Variants in CFAP69 observed in about 807,000 individuals in gnomAD.
CFAP69 encodes the protein cilia and flagella associated protein 69.
CFAP69 carries 92 observed loss-of-function variants against 123.0 expected under a neutral mutation model. The ratio of observed to expected loss-of-function variants is 0.75; its 90% CI spans 0.63 to 0.89. The LOEUF (loss-of-function observed/expected upper bound fraction) is 0.89. Among genes scored for constraint, CFAP69 ranks in the 40% least tolerant of loss-of-function variants. CFAP69 has a pLI of 0.00. For synonymous variants in CFAP69, 380 were observed against 364.3 expected (o/e 1.04, Z -0.49); for missense variants, 1,067 against 1,096.9 (o/e 0.97, Z 0.39).
chr7:90,258,641 T>C (rs1383539689), intron 3 of CFAP69, among the ~76,000 whole-genome samples: 1 of 152,220 alleles, frequency 6.6e-6, no homozygotes, highest in African/African-American at 2.4e-5. Flanking sequence ...CCCTTTGCTA[T>C]GTAACATAGT....
chr7:90,245,399 C>T lies in CFAP69; in HGVS notation c.-26C>T, dbSNP rs527341432. 6.5e-7 allele frequency: 1 copy of T among 1,526,856 alleles called. No homozygotes were observed. The highest frequency in any genetic ancestry group is 2.1e-5 in the Admixed American group (1 of 47,020). The allele number at this position is 1,526,856 out of a possible 1,614,324, so 94.6% of individuals were successfully genotyped here. ...GCACTGTAGGACAGGAAGATCCCCCCACTCTCCACCCCGCCGCCACCGGCC... is the reference window on the plus strand; with the variant it reads ...GCACTGTAGGACAGGAAGATCCCCCTACTCTCCACCCCGCCGCCACCGGCC... On this transcript the variant is annotated 5_prime_UTR_variant, in exon 1 of 23. Transcript: ENST00000389297.
intron 4 of CFAP69, among the ~76,000 whole-genome samples, chr7:90,264,124 T>A (rs1395325516): frequency 0.12 from 4,839 of 39,366 alleles, 912 homozygotes; most frequent in Non-Finnish European, 0.16. Flanking sequence ...TATATATATA[T>A]ATATATATAT....
chr7:90,275,328 A>C (rs1325630388), intron 9 of CFAP69, among the ~76,000 whole-genome samples: 1 of 152,070 alleles, frequency 6.6e-6, no homozygotes, highest in Non-Finnish European at 1.5e-5. Context: ...CCCAAATCTT[A>C]ATTCAGTTCT....
At chr7:90,268,592 C>G (rs1799496988) in intron 6 of CFAP69, among the ~76,000 whole-genome samples, 1 of 151,836 alleles carries the variant, frequency 6.6e-6, no homozygotes, top group Admixed American at 6.6e-5. Context: ...TATTCTGATG[C>G]TAAATATGAA....
chr7:90,299,354 T>A (rs1451812696), intron 16 of CFAP69, among the ~76,000 whole-genome samples: 1 of 152,170 alleles, frequency 6.6e-6, no homozygotes. Context: ...AATACTCTTT[T>A]ATGGATGATG....
intron 1 of CFAP69, 100 bp downstream of exon 1, chr7:90,245,644 G>A (rs1796239138): frequency 7.2e-7 from 1 of 1,380,810 alleles, no homozygotes; most frequent in African/African-American, 1.5e-5. Context: ...ACTGGGGACA[G>A]GAGTGAAGAT....
chr7:90,247,846 AAAAAC>A (rs945489120), intron 1 of CFAP69, among the ~76,000 whole-genome samples: 1 of 152,224 alleles, frequency 6.6e-6, no homozygotes, highest in Non-Finnish European at 1.5e-5. Flanking sequence ...TCCGTCTCAA[AAAAAC>A]AAAACAAAAC....
In CFAP69 at chr7:90,268,310, C is replaced by A. The variant is rs1799445391; in HGVS notation, c.458C>A (p.Ser153Tyr). ...LLGDLMKIPSSELRIQICKCI... is the reference protein window; with the variant it reads ...LLGDLMKIPSYELRIQICKCI... ...GGTGACTTAATGAAAATACCAAGTTCTGAATTGAGGATACAAATTTGTAAG... is the reference window on the plus strand; with the variant it reads ...GGTGACTTAATGAAAATACCAAGTTATGAATTGAGGATACAAATTTGTAAG... The change falls in exon 6 of 23, where the codon TCT becomes TAT. Residue 153 changes from serine to tyrosine, a missense_variant. Physicochemically the swap from Ser to Tyr is moderately radical, Grantham distance 144 (BLOSUM62 -2). Transcript: ENST00000389297. 1.2e-6 allele frequency: 2 copies of A among 1,608,588 alleles called. No homozygotes were observed. The highest frequency in any genetic ancestry group is 1.7e-6 in the Non-Finnish European group (2 of 1,178,104).
intron 15 of CFAP69, 73 bp from the exon 16 acceptor site, chr7:90,297,676 A>G: frequency 1.1e-6 from 1 of 897,484 alleles, no homozygotes; most frequent in South Asian, 1.6e-5. Flanking sequence ...AAATGCTTTG[A>G]TAAAGATAAA....
In CFAP69 at chr7:90,274,066, G is replaced by A; in HGVS notation, c.940G>A (p.Val314Met). The A allele has an allele frequency of 6.2e-7, 1 of 1,605,660 alleles. No homozygotes were observed. The highest frequency in any genetic ancestry group is 8.5e-7 in the Non-Finnish European group (1 of 1,177,054). Residue 314 changes from valine to methionine, a missense_variant, in exon 9 of 23, where the codon GTG (valine) becomes ATG (methionine). Physicochemically the swap from Val to Met is conservative, Grantham distance 21 (BLOSUM62 1). Coordinates refer to ENST00000389297, the MANE Select transcript of CFAP69 (RefSeq NM_001039706.3). Reference sequence around the variant, plus strand: ...CCGTCAGCTTAGAAATGACATATTAGTGATCACTACAATTATAGCTCAAAA... The same window carrying A: ...CCGTCAGCTTAGAAATGACATATTAATGATCACTACAATTATAGCTCAAAA... ...YDRQLRNDIL[V>M]ITTIIAQNPE...
rs11563557 is a variant in CFAP69 at position 90,246,776 on chromosome 7, A to G, written c.120+1232A>G. Among the ~76,000 whole-genome samples the G allele has an allele frequency of 2.7e-3, 413 of 152,270 alleles. 2 individuals are homozygous for G. The highest frequency in any genetic ancestry group is 9.5e-3 in the African/African-American group (396 of 41,554). Reference sequence around the variant, plus strand: ...TCTCAGTCTTCCTTTACTTGCTCCAAGAAAAATTGGGCAACGTTATACAAG... The same window carrying G: ...TCTCAGTCTTCCTTTACTTGCTCCAGGAAAAATTGGGCAACGTTATACAAG... On this transcript the variant is annotated intron_variant, in intron 1 of 22. Transcript: ENST00000389297.
Position 90,304,118 on chromosome 7 carries a change from T to A in CFAP69, c.2188+12T>A. 1.3e-6 allele frequency: 2 copies of A among 1,543,770 alleles called. No homozygotes were observed. Among genetic ancestry groups the A allele is most frequent in the Middle Eastern group, 1.7e-4 (1 of 5,882 alleles). ...ATTGGGCAAACTAGGTAAGAAGTTC[T>A]CTTCAAATTTGCAAGAGTCTGTTTT... On this transcript the variant is annotated intron_variant, in intron 18 of 22. Transcript: ENST00000389297.
Position 90,252,117 on chromosome 7 carries a change from T to TGTGTGC in CFAP69, c.121-3301_121-3300insCGTGTG, listed in dbSNP as rs1491337766. ...CCAGAAAAGAAAAACCCACTGTGTGTGTGTGTGTGTGTGTGTGTGTGTGTG... is the reference window on the plus strand; with the variant it reads ...CCAGAAAAGAAAAACCCACTGTGTGTGTGTGCGTGTGTGTGTGTGTGTGTGTGTGTG... On this transcript the variant is annotated intron_variant, in intron 1 of 22. Coordinates refer to ENST00000389297, the MANE Select transcript of CFAP69 (RefSeq NM_001039706.3). 22 of 74,922 alleles carry TGTGTGC rather than the reference T, an allele frequency of 2.9e-4. No homozygotes were observed. In the East Asian group the frequency reaches 6.0e-3, roughly 21 times the overall value. 4.6% of individuals were successfully genotyped at this position (74,922 alleles called of 1,614,324 possible).
chr7:90,304,995 G>A (rs75017578), intron 19 of CFAP69, among the ~76,000 whole-genome samples, 175 bp downstream of exon 19: 11 of 152,080 alleles, frequency 7.2e-5, no homozygotes, highest in African/African-American at 2.4e-4. Flanking sequence ...CCATGATTGG[G>A]TGTTTTTCAT....
intron 1 of CFAP69, among the ~76,000 whole-genome samples, chr7:90,254,400 C>T (rs1010471848): frequency 6.6e-6 from 1 of 152,142 alleles, no homozygotes; most frequent in Non-Finnish European, 1.5e-5. Flanking sequence ...AATATAGCCT[C>T]TTCTTGGTTG....
At position 90,268,496 on chromosome 7, in the gene CFAP69, A is replaced by G. The variant is rs558797982; in HGVS notation, c.532+112A>G. ...TGGGCTCATAAATGTAACACATTAA[A>G]AAGAAAACTTTTTTGTAGTCTTGAG... On this transcript the variant is annotated intron_variant, in intron 6 of 22. Coordinates refer to ENST00000389297, the MANE Select transcript of CFAP69 (RefSeq NM_001039706.3). 2.0e-5 allele frequency: 15 copies of G among 740,568 alleles called. No individual in the cohort carries two copies. The South Asian group carries it at 2.8e-4, about 14-fold the overall frequency. The allele number at this position is 740,568 out of a possible 1,614,324, so 45.9% of individuals were successfully genotyped here.
intron 5 of CFAP69, chr7:90,266,065 G>A (rs772193617): frequency 2.0e-5 from 3 of 151,894 alleles, no homozygotes; most frequent in Non-Finnish European, 2.9e-5. Context: ...TGTACAGGAG[G>A]AATAAAAGAT....
At chr7:90,284,335 C>T (rs1247061249) in intron 13 of CFAP69, among the ~76,000 whole-genome samples, 1 of 152,066 alleles carries the variant, frequency 6.6e-6, no homozygotes, top group Non-Finnish European at 1.5e-5. Context: ...GTACAGTGTA[C>T]ACTGCTTGGT....
intron 4 of CFAP69, 135 bp from the exon 5 acceptor site, chr7:90,265,166 C>T: frequency 1.9e-6 from 1 of 525,964 alleles, no homozygotes; most frequent in Non-Finnish European, 3.4e-6. Flanking sequence ...TAATAATTGT[C>T]AATCCCCAGG....
Sources: allele counts gnomAD v4.1 joint callset (sites outside exome capture counted in the v4.1 genomes callset), GRCh38; gene constraint gnomAD v4.1.1; transcripts MANE v1.5; gene names NCBI Gene and HGNC (gene_info 2026-07-23, HGNC 2026-07-21).